Variants in MARCHF10 observed in about 807,000 individuals in gnomAD.
MARCHF10 encodes the protein membrane associated ring-CH-type finger 10.
A neutral mutation model predicts 76.2 loss-of-function variants in MARCHF10; 64 were observed. The ratio of observed to expected loss-of-function variants is 0.84; its 90% CI spans 0.69 to 1.03. MARCHF10 has a LOEUF of 1.03. Ranked by LOEUF, MARCHF10 falls within the 50% of genes least tolerant of loss-of-function variation. The pLI is 0.00. For missense variants in MARCHF10, 875 were observed against 958.0 expected, an observed-to-expected ratio of 0.91 and a Z score of 1.14; for synonymous variants, 340 against 357.5, an observed-to-expected ratio of 0.95 and a Z score of 0.55.
chr17:62,740,372 T>C (rs571735423), intron 5 of MARCHF10, among the ~76,000 whole-genome samples: 1 of 152,278 alleles, frequency 6.6e-6, no homozygotes, highest in East Asian at 1.9e-4. Context: ...CTGTCTGCCT[T>C]AAGACTATGC....
chr17:62,801,798 CG>C lies in MARCHF10; in HGVS notation c.-17-47del, dbSNP rs2093079479. On this transcript the variant is annotated intron_variant, in intron 1 of 10. Transcript: ENST00000311269. ...AATGTGCTGTGTTAGAGTCCTTTGTCGTGATGCCGTATTTGGATTTATTTTC... is the reference window on the plus strand; with the variant it reads ...AATGTGCTGTGTTAGAGTCCTTTGTCTGATGCCGTATTTGGATTTATTTTC... 1.6e-5 allele frequency: 21 copies of C among 1,309,440 alleles called. No homozygotes were observed. In the Middle Eastern group the frequency reaches 5.5e-4, roughly 34 times the overall value. The allele number at this position is 1,309,440 out of a possible 1,614,324, so 81.1% of individuals were successfully genotyped here.
At chr17:62,758,068 G>A (rs2092097025) in intron 4 of MARCHF10, among the ~76,000 whole-genome samples, 1 of 152,118 alleles carries the variant, frequency 6.6e-6, no homozygotes, top group Non-Finnish European at 1.5e-5. Context: ...TAGCAAGAGG[G>A]CTAAAAATTA....
Position 62,737,127 on chromosome 17 carries a change from T to C in MARCHF10, c.741A>G (p.Val247=). 6.2e-7 allele frequency: 1 copy of C among 1,614,112 alleles called. No homozygotes were observed. The highest frequency in any genetic ancestry group is 8.5e-7 in the Non-Finnish European group (1 of 1,180,028). Residue 247 remains valine, a synonymous_variant, in exon 6 of 11, where the codon GTA becomes GTG. Coordinates refer to ENST00000311269, the MANE Select transcript of MARCHF10 (RefSeq NM_152598.4). Reference sequence around the variant, plus strand: ...GTGGTGGCCCCGAGAACTCACTCAATACTTGAGGACTATTTTTTCCTTGGA... The same window carrying C: ...GTGGTGGCCCCGAGAACTCACTCAACACTTGAGGACTATTTTTTCCTTGGA... The part of the protein sequence containing the change: ...QAFQGKNSPQ[V]LSEFSGPPLT...
intron 2 of MARCHF10, among the ~76,000 whole-genome samples, chr17:62,795,356 CAAAAA>C (rs61564298): frequency 9.1e-4 from 48 of 52,938 alleles, no homozygotes; most frequent in African/African-American, 3.1e-3. Flanking sequence ...ATCATTTGAT[CAAAAA>C]AAAAAAAAAA....
At chr17:62,704,033 G>A (rs1393528231) in intron 10 of MARCHF10, among the ~76,000 whole-genome samples, 1 of 151,774 alleles carries the variant, frequency 6.6e-6, no homozygotes, top group African/African-American at 2.4e-5. Flanking sequence ...CGTCTCCGGG[G>A]CGGGGCTGGG....
intron 9 of MARCHF10, among the ~76,000 whole-genome samples, chr17:62,708,099 A>G (rs557273649): frequency 6.6e-6 from 1 of 152,336 alleles, no homozygotes; most frequent in Non-Finnish European, 1.5e-5. Context: ...CCCTGTCTCA[A>G]AAAGAGAAAG....
chr17:62,743,385 C>T (rs896741720), intron 5 of MARCHF10, among the ~76,000 whole-genome samples: 7 of 152,164 alleles, frequency 4.6e-5, no homozygotes, highest in African/African-American at 9.7e-5. Context: ...CCATGGCTCA[C>T]GCCTGTAATC....
intron 7 of MARCHF10, among the ~76,000 whole-genome samples, chr17:62,724,481 A>G (rs2147718664): frequency 6.6e-6 from 1 of 152,188 alleles, no homozygotes; most frequent in African/African-American, 2.4e-5. Context: ...ACCCCCAAAT[A>G]AAAGGAAGTA....
chr17:62,714,263 G>T (rs2090079671), intron 8 of MARCHF10: 3 of 387,138 alleles, frequency 7.7e-6, no homozygotes, highest in Non-Finnish European at 1.1e-5. Flanking sequence ...GCCGGCTAAG[G>T]TGGGCAGTGC....
In MARCHF10 at chr17:62,767,450, C is replaced by CCTT. The variant is rs67106553; in HGVS notation, c.211-7445_211-7444insAAG. On this transcript the variant is annotated intron_variant, in intron 3 of 10. Coordinates refer to ENST00000311269, the MANE Select transcript of MARCHF10 (RefSeq NM_152598.4). ...AGCTTTGAATTGGTGGGTCTGTATT[C>CCTT]TTTTTTTTTTTTTTTTTTGAGATGG... is the stretch of plus-strand genomic sequence containing the variant. Among the ~76,000 whole-genome samples the CCTT allele has an allele frequency of 3.5e-4, 47 of 134,790 alleles. 6 individuals carry two copies. The highest frequency in any genetic ancestry group is 4.6e-4 in the South Asian group (2 of 4,366). 88.4% of individuals were successfully genotyped at this position (134,790 alleles called of 152,430 possible).
At chr17:62,725,730 G>A (rs534976736) in intron 6 of MARCHF10, among the ~76,000 whole-genome samples, 4 of 152,358 alleles carry the variant, frequency 2.6e-5, no homozygotes, top group African/African-American at 9.6e-5. Context: ...CAGGAAGTTG[G>A]TGGGGGTGGC....
chr17:62,795,983 G>A (rs2092977709), intron 2 of MARCHF10, among the ~76,000 whole-genome samples: 1 of 151,850 alleles, frequency 6.6e-6, no homozygotes, highest in Non-Finnish European at 1.5e-5. Flanking sequence ...GTTACTGAGG[G>A]GTCACTAACG....
At chr17:62,763,438 G>A (rs2092258562) in intron 3 of MARCHF10, among the ~76,000 whole-genome samples, 2 of 152,150 alleles carry the variant, frequency 1.3e-5, no homozygotes, top group African/African-American at 4.8e-5. Flanking sequence ...AAAATATGGT[G>A]CAATGGTTTT....
chr17:62,807,608 T>C (rs1332578698), intron 1 of MARCHF10, among the ~76,000 whole-genome samples: 1 of 151,822 alleles, frequency 6.6e-6, no homozygotes, highest in Non-Finnish European at 1.5e-5. Flanking sequence ...ACAAATAATT[T>C]AAAACATTAG....
intron 4 of MARCHF10, among the ~76,000 whole-genome samples, chr17:62,757,505 G>A (rs78004002): frequency 0.017 from 2,595 of 152,318 alleles, 80 homozygotes; most frequent in Admixed American, 0.087. Context: ...CCATGTCTCA[G>A]TTCTCATTTC....
intron 8 of MARCHF10, among the ~76,000 whole-genome samples, chr17:62,718,053 T>C (rs2090306755): frequency 1.3e-5 from 2 of 152,202 alleles, no homozygotes; most frequent in African/African-American, 4.8e-5. Context: ...AGCGTCTCTG[T>C]GGCTGTAATC....
At chr17:62,747,869 C>A (rs569646928) in intron 4 of MARCHF10, among the ~76,000 whole-genome samples, 2 of 152,274 alleles carry the variant, frequency 1.3e-5, no homozygotes, top group African/African-American at 4.8e-5. Flanking sequence ...TCAACAAATA[C>A]CTGTGTGCCT....
chr17:62,715,570 C>A (rs976750094), intron 8 of MARCHF10, among the ~76,000 whole-genome samples: 1 of 152,220 alleles, frequency 6.6e-6, no homozygotes. Context: ...TGCTTCCAGG[C>A]GACAGCCAAC....
chr17:62,737,330 G>C lies in MARCHF10; in HGVS notation c.538C>G (p.Gln180Glu), dbSNP rs372629250. 5.6e-6 allele frequency: 9 copies of C among 1,605,678 alleles called. No homozygotes were observed. Among genetic ancestry groups the C allele is most frequent in the Admixed American group, 3.5e-5 (2 of 57,174 alleles). The change falls in exon 6 of 11, where the codon CAA (glutamine) becomes GAA (glutamate). Residue 180 changes from glutamine (Q) to glutamate (E), a missense_variant and splice_region_variant. Transcript: ENST00000311269. ...ATCAGGCCTTCTTGTTGAACTACTT[G>C]ATCTGCATTGAGAAAAGACACATTT... ...AKVPVPRGAD[Q>E]VVQQEGLMCN...
Sources: allele counts gnomAD v4.1 joint callset (sites outside exome capture counted in the v4.1 genomes callset), GRCh38; gene constraint gnomAD v4.1.1; transcripts MANE v1.5; gene names NCBI Gene and HGNC (gene_info 2026-07-23, HGNC 2026-07-21).